Variants in LRRFIP2 observed in about 807,000 individuals in gnomAD.
LRRFIP2 encodes LRR binding FLII interacting protein 2.
LRRFIP2 carries 109 observed loss-of-function variants against 125.9 expected under a neutral mutation model. The observed-to-expected ratio is 0.87, with a 90% confidence interval of 0.74 to 1.01. The LOEUF is 1.01. Ranked by LOEUF, LRRFIP2 falls within the 50% of genes least tolerant of loss-of-function variation. The pLI is 0.00. For missense variants in LRRFIP2, 850 were observed against 862.3 expected (o/e 0.99, Z 0.18); for synonymous variants, 291 against 293.1 (o/e 0.99, Z 0.07).
upstream of LRRFIP2, chr3:37,175,916 G>C (rs949255138): frequency 1.3e-5 from 2 of 152,248 alleles, no homozygotes; most frequent in Non-Finnish European, 2.9e-5. Context: ...AGCCCGCCGC[G>C]GGCCGGCCAG....
chr3:37,129,300 T>TA (rs1372402204), intron 2 of LRRFIP2, 151 bp from the exon 3 acceptor site: 9 of 648,764 alleles, frequency 1.4e-5, no homozygotes, highest in Non-Finnish European at 2.4e-5. Flanking sequence ...TTGATTGTTT[T>TA]AATCAACTCT....
At chr3:37,170,048 A>AT (rs2096564153) in intron 1 of LRRFIP2, among the ~76,000 whole-genome samples, 2 of 152,116 alleles carry the variant, frequency 1.3e-5, no homozygotes, top group Admixed American at 6.6e-5. Flanking sequence ...AAACTAGTTT[A>AT]TTTTTTCTCC....
intron 17 of LRRFIP2, among the ~76,000 whole-genome samples, chr3:37,093,458 G>C (rs1046360425): frequency 1.3e-5 from 2 of 152,046 alleles, no homozygotes; most frequent in Non-Finnish European, 2.9e-5. Context: ...TTAAAAGAAA[G>C]CTAAAAACCT....
chr3:37,173,411 A>T (rs902166818), intron 1 of LRRFIP2, among the ~76,000 whole-genome samples: 35 of 152,116 alleles, frequency 2.3e-4, no homozygotes, highest in Non-Finnish European at 4.0e-4. Context: ...ACTGGTCTTA[A>T]ACTCCTGGGC....
intron 6 of LRRFIP2, 67 bp downstream of exon 6, chr3:37,121,425 T>C: frequency 2.1e-6 from 3 of 1,426,450 alleles, no homozygotes; most frequent in Non-Finnish European, 3.0e-6. Context: ...TCAGATTGTT[T>C]AGGCAACATT....
At chr3:37,066,729 CTAAACTAGTT>C (rs2090239315) in intron 21 of LRRFIP2, 2 of 169,420 alleles carry the variant, frequency 1.2e-5, no homozygotes, top group South Asian at 2.9e-4. Context: ...TCATGTTTAA[CTAAACTAGTT>C]TATTCAAGAA....
At chr3:37,112,334 C>CAAAA (rs1408342199) in intron 8 of LRRFIP2, among the ~76,000 whole-genome samples, 1 of 72,978 alleles carries the variant, frequency 1.4e-5, no homozygotes, top group African/African-American at 4.9e-5. Flanking sequence ...GACTCCATCT[C>CAAAA]AAAAAAAGAA....
At chr3:37,074,951 C>G in intron 20 of LRRFIP2, 73 bp downstream of exon 20, 1 of 989,358 alleles carries the variant, frequency 1.0e-6, no homozygotes, top group Non-Finnish European at 1.6e-6. Flanking sequence ...CTCTCCTTCC[C>G]TCCCAACACA....
Position 37,111,013 on chromosome 3 carries a change from G to A in LRRFIP2, c.491C>T (p.Pro164Leu), listed in dbSNP as rs2094527974. 1.9e-6 allele frequency: 3 copies of A among 1,613,646 alleles called. No homozygotes were observed. In the South Asian group the frequency reaches 3.3e-5, roughly 18 times the overall value. Residue 164 changes from proline to leucine, a missense_variant, in exon 9 of 28, where the codon CCC becomes CTC. Physicochemically the swap from Pro to Leu is moderately conservative, Grantham distance 98. Transcript: ENST00000336686. ...AACCCGAGTGTAGTAGGCAGAGGTG[G>A]GTTTGCTATGTCTAAGACTGCTATA... Reference protein sequence around the residue: ...RNYSSLRHSKPTSAYYTRQSS... With the variant: ...RNYSSLRHSKLTSAYYTRQSS...
upstream of LRRFIP2, chr3:37,176,098 G>A (rs535561564): frequency 6.6e-6 from 1 of 152,474 alleles, no homozygotes; most frequent in African/African-American, 2.4e-5. Flanking sequence ...TCGCTGTCCG[G>A]GAAGGGCCGA....
At chr3:37,113,804 T>C (rs2094648586) in intron 7 of LRRFIP2, among the ~76,000 whole-genome samples, 1 of 152,186 alleles carries the variant, frequency 6.6e-6, no homozygotes, top group African/African-American at 2.4e-5. Context: ...ATGGTATGGA[T>C]TGCCCAGCAT....
chr3:37,096,619 T>C lies in LRRFIP2; in HGVS notation c.915A>G (p.Thr305=). 6.4e-7 allele frequency: 1 copy of C among 1,558,176 alleles called. No individual in the cohort carries two copies. The highest frequency in any genetic ancestry group is 1.1e-5 in the South Asian group (1 of 87,304). The change falls in exon 16 of 28, where the codon ACA becomes ACG. Residue 305 remains threonine (T), a synonymous_variant. Transcript: ENST00000336686. ...CCTTAGGAATTTACATACTCACTCT[T>C]GTATAATTTTCAGCATACTGTTTGT... ...KSDKQYAENY[T]RPSSRNSASA...
intron 1 of LRRFIP2, among the ~76,000 whole-genome samples, chr3:37,155,936 G>A (rs751206217): frequency 6.6e-6 from 1 of 152,158 alleles, no homozygotes; most frequent in African/African-American, 2.4e-5. Flanking sequence ...GTGCAATAGT[G>A]CGACCTTGGC....
At chr3:37,065,769 G>A (rs751713753) in intron 23 of LRRFIP2, 41 bp downstream of exon 23, 37 of 1,613,524 alleles carry the variant, frequency 2.3e-5, no homozygotes, top group Non-Finnish European at 2.9e-5. Flanking sequence ...AACCCAATAG[G>A]GTAACATTAA....
chr3:37,075,316 C>T (rs1285180584), intron 19 of LRRFIP2, among the ~76,000 whole-genome samples, 200 bp from the exon 20 acceptor site: 4 of 151,822 alleles, frequency 2.6e-5, no homozygotes, highest in Admixed American at 6.6e-5. Flanking sequence ...ATCAGGAAAA[C>T]CTGAACTAAT....
At chr3:37,126,163 G>A (rs2095266051) in intron 4 of LRRFIP2, among the ~76,000 whole-genome samples, 1 of 152,114 alleles carries the variant, frequency 6.6e-6, no homozygotes, top group African/African-American at 2.4e-5. Context: ...CTGAGTAGCT[G>A]GGATTACAGG....
At chr3:37,150,525 C>T (rs2095993716) in intron 1 of LRRFIP2, among the ~76,000 whole-genome samples, 1 of 151,814 alleles carries the variant, frequency 6.6e-6, no homozygotes, top group African/African-American at 2.4e-5. Context: ...CCTATTTTAA[C>T]AAAAGGAAGA....
chr3:37,076,047 A>C (rs567304734), intron 19 of LRRFIP2, among the ~76,000 whole-genome samples: 3 of 152,186 alleles, frequency 2.0e-5, no homozygotes, highest in Non-Finnish European at 4.4e-5. Context: ...ACAAATTCCA[A>C]ATCAATCAGA....
chr3:37,088,648 T>C (rs1055836684), intron 18 of LRRFIP2, among the ~76,000 whole-genome samples: 2 of 151,742 alleles, frequency 1.3e-5, no homozygotes, highest in Non-Finnish European at 2.9e-5. Context: ...TCCGTATCTA[T>C]AAAAAATTAA....
Sources: gnomAD v4.1 joint callset for allele counts (sites outside exome capture counted in the v4.1 genomes callset) on GRCh38, gnomAD v4.1.1 for gene constraint, MANE v1.5 for transcripts, NCBI Gene and HGNC (gene_info 2026-07-23, HGNC 2026-07-21) for gene names.